LATS2: variants seen among roughly 807,000 people sequenced by gnomAD.
LATS2 encodes the protein serine/threonine-protein kinase LATS2.
In LATS2, 24 loss-of-function variants were observed where a neutral mutation model predicts 76.0. The ratio of observed to expected loss-of-function variants is 0.32; its 90% CI spans 0.23 to 0.44. The LOEUF (loss-of-function observed/expected upper bound fraction) is 0.44, where lower values mean the gene tolerates loss of function less well. Among genes scored for constraint, LATS2 ranks in the 20% least tolerant of loss-of-function variants. The pLI is 1.00. For missense variants in LATS2, 1,286 were observed against 1,481.2 expected, an observed-to-expected ratio of 0.87 and a Z score of 2.16; for synonymous variants, 692 against 635.4, an observed-to-expected ratio of 1.09 and a Z score of -1.34.
chr13:21,029,037 C>G (rs577491827), intron 2 of LATS2, among the ~76,000 whole-genome samples: 16 of 152,304 alleles, frequency 1.1e-4, no homozygotes, highest in African/African-American at 3.6e-4. Flanking sequence ...ATGTCAAATG[C>G]AAATTGTTAT....
intron 2 of LATS2, among the ~76,000 whole-genome samples, chr13:21,032,479 C>T (rs1008578410): frequency 6.6e-6 from 1 of 152,170 alleles, no homozygotes; most frequent in Non-Finnish European, 1.5e-5. Flanking sequence ...GTTGGCCAGG[C>T]TGGTCTGGAA....
intron 5 of LATS2, among the ~76,000 whole-genome samples, chr13:20,982,372 C>T (rs796481651): frequency 1.5e-4 from 23 of 152,308 alleles, no homozygotes; most frequent in South Asian, 1.4e-3. Context: ...GGCGCAATGG[C>T]GCGATCTCAG....
chr13:21,026,148 C>A (rs1280081551), intron 2 of LATS2, among the ~76,000 whole-genome samples: 1 of 152,200 alleles, frequency 6.6e-6, no homozygotes, highest in Non-Finnish European at 1.5e-5. Flanking sequence ...GAATTATTTG[C>A]ATCCACTGTA....
At chr13:21,059,581 C>G (rs1460819435) in intron 1 of LATS2, among the ~76,000 whole-genome samples, 1 of 151,824 alleles carries the variant, frequency 6.6e-6, no homozygotes, top group African/African-American at 2.4e-5. Flanking sequence ...GGCGACAGAG[C>G]AAGACAACGT....
intron 2 of LATS2, among the ~76,000 whole-genome samples, chr13:21,040,242 C>T (rs1872822039): frequency 6.6e-6 from 1 of 151,786 alleles, no homozygotes; most frequent in African/African-American, 2.4e-5. Flanking sequence ...GAAAAATTAG[C>T]CAGACATGGT....
At chr13:21,033,065 G>C (rs1264984577) in intron 2 of LATS2, among the ~76,000 whole-genome samples, 1 of 151,974 alleles carries the variant, frequency 6.6e-6, no homozygotes, top group East Asian at 1.9e-4. Flanking sequence ...GGAATTACTG[G>C]GTCAGGGAGA....
chr13:20,989,907 TCTG>T (rs1222097306), intron 3 of LATS2, among the ~76,000 whole-genome samples: 1 of 152,250 alleles, frequency 6.6e-6, no homozygotes. Flanking sequence ...ATTGATTTCA[TCTG>T]CTGCTACCTT....
At chr13:20,982,012 C>T (rs578242353) in intron 5 of LATS2, among the ~76,000 whole-genome samples, 5 of 152,272 alleles carry the variant, frequency 3.3e-5, no homozygotes, top group African/African-American at 9.6e-5. Flanking sequence ...CTGCCTGACA[C>T]ATGTTTTAAG....
rs1434954467 is a variant in LATS2 at position 21,030,606 on chromosome 13, A to AAG, written c.342+15078_342+15079insCT. Among the ~76,000 whole-genome samples, 50 of 71,348 alleles carry AAG rather than the reference A, an allele frequency of 7.0e-4. 1 individual carries two copies. Among genetic ancestry groups the AAG allele is most frequent in the African/African-American group, 2.3e-3 (50 of 21,752 alleles). 46.8% of individuals were successfully genotyped at this position (71,348 alleles called of 152,430 possible). A position where few individuals can be genotyped will look rare whatever the true frequency, so the allele number is the denominator to read the frequency against. On this transcript the variant is annotated intron_variant, in intron 2 of 7. Transcript: ENST00000382592. ...GACTCCGTCTCAAAAAAAAAAAAAA[A>AAG]AAAAAGAAAAAAAAAAAGAAAAAGA...
chr13:21,040,953 T>C (rs983592737), intron 2 of LATS2, among the ~76,000 whole-genome samples: 1 of 152,010 alleles, frequency 6.6e-6, no homozygotes, highest in African/African-American at 2.4e-5. Context: ...CACATTCTAC[T>C]TCCCCCTTGA....
intron 1 of LATS2, among the ~76,000 whole-genome samples, chr13:21,056,291 G>A (rs937980574): frequency 3.3e-5 from 5 of 151,828 alleles, no homozygotes; most frequent in South Asian, 2.1e-4. Flanking sequence ...CCCCCGCCTC[G>A]GCCTCCCAAA....
intron 2 of LATS2, among the ~76,000 whole-genome samples, chr13:21,034,182 C>A (rs1872619318): frequency 6.6e-6 from 1 of 152,148 alleles, no homozygotes; most frequent in Admixed American, 6.5e-5. Flanking sequence ...AACATAGGAG[C>A]AATTATCATC....
intron 2 of LATS2, among the ~76,000 whole-genome samples, chr13:20,998,931 G>A (rs1355835657): frequency 6.6e-6 from 1 of 150,824 alleles, no homozygotes; most frequent in African/African-American, 2.4e-5. Context: ...GAGTCCCGGT[G>A]ACCTTGCGCA....
At chr13:21,016,939 C>T (rs1474107646) in intron 2 of LATS2, among the ~76,000 whole-genome samples, 1 of 152,192 alleles carries the variant, frequency 6.6e-6, no homozygotes, top group Non-Finnish European at 1.5e-5. Flanking sequence ...CGATCCATGG[C>T]CATGCATCTG....
At chr13:21,004,007 G>A (rs1187974487) in intron 2 of LATS2, among the ~76,000 whole-genome samples, 2 of 152,178 alleles carry the variant, frequency 1.3e-5, no homozygotes, top group Admixed American at 1.3e-4. Flanking sequence ...TAAACTCTTA[G>A]CTATGGCTAT....
At position 20,981,500 on chromosome 13, in the gene LATS2, T is replaced by G; in HGVS notation, c.2631A>C (p.Pro877=). 1 of 1,614,114 alleles carries G rather than the reference T, an allele frequency of 6.2e-7. No homozygotes were observed. The highest frequency in any genetic ancestry group is 2.2e-5 in the East Asian group (1 of 44,880). Residue 877 remains proline, a synonymous_variant, in exon 6 of 8, where the codon CCA becomes CCC. Coordinates refer to ENST00000382592, the MANE Select transcript of LATS2 (RefSeq NM_014572.3). The part of the protein sequence containing the change: ...RCLAHSLVGT[P]NYIAPEVLLR... ...GGAGCACCTCGGGTGCGATGTAGTT[T>G]GGAGTCCCCACCAGTGAATGTGCCA...
chr13:21,025,393 CAAAAAAAA>C (rs1171981071), intron 2 of LATS2, among the ~76,000 whole-genome samples: 1 of 49,754 alleles, frequency 2.0e-5, no homozygotes, highest in Non-Finnish European at 4.3e-5. Context: ...ACTCCGTCTC[CAAAAAAAA>C]AAAAAAAAAA....
chr13:21,029,919 T>G (rs1237227257), intron 2 of LATS2, among the ~76,000 whole-genome samples: 3 of 150,040 alleles, frequency 2.0e-5, no homozygotes, highest in Admixed American at 6.6e-5. Flanking sequence ...AGGTCAGGGG[T>G]TCAAGACCAG....
rs143631255 is a variant in LATS2, at chr13:20,975,256, G to A, written c.2881C>T (p.Arg961Trp). The A allele has an allele frequency of 3.3e-5, 53 of 1,614,050 alleles. No homozygotes were observed. The highest frequency in any genetic ancestry group is 1.1e-4 in the East Asian group (5 of 44,894). Reference protein sequence around the residue: ...LCCSADHRLGRNGADDLKAHP... With the variant: ...LCCSADHRLGWNGADDLKAHP... Reference sequence around the variant, plus strand: ...GCCTTCAGGTCATCGGCCCCATTCCGCCCCAGGCGGTGGTCTGCGGAGCAG... The same window carrying A: ...GCCTTCAGGTCATCGGCCCCATTCCACCCCAGGCGGTGGTCTGCGGAGCAG... The change falls in exon 8 of 8, where the codon CGG (arginine) becomes TGG (tryptophan). Residue 961 changes from arginine to tryptophan, a missense_variant. By Grantham distance (101) the Arg-to-Trp change is moderately radical. Coordinates refer to ENST00000382592, the MANE Select transcript of LATS2 (RefSeq NM_014572.3).
Sources: allele counts gnomAD v4.1 joint callset (sites outside exome capture counted in the v4.1 genomes callset), GRCh38; gene constraint gnomAD v4.1.1; transcripts MANE v1.5; gene names NCBI Gene and HGNC (gene_info 2026-07-23, HGNC 2026-07-21).